ALDH1L1: variants seen among roughly 807,000 people sequenced by gnomAD.
ALDH1L1 encodes aldehyde dehydrogenase 1 family member L1, also known as cytosolic 10-formyltetrahydrofolate dehydrogenase.
Under a neutral mutation model 101.1 loss-of-function variants are expected in ALDH1L1, and 68 were observed. The ratio of observed to expected loss-of-function variants is 0.67; its 90% confidence interval spans 0.55 to 0.82. The LOEUF is 0.82. ALDH1L1 is among the 40% of genes least tolerant of loss of function. The pLI is 0.00. For missense variants in ALDH1L1, 1,087 were observed against 1,172.7 expected, an observed-to-expected ratio of 0.93 and a Z score of 1.07; for synonymous variants, 486 against 470.8, an observed-to-expected ratio of 1.03 and a Z score of -0.42.
In ALDH1L1 at chr3:126,191,167, A is replaced by G. The variant is rs549441818; in HGVS notation, c.-24+6568T>C. ...GAGGTAGCAGAGTGCAACAGCTTAGATGGAGATTGGGAGGCAAAAGGATTT... is the reference window on the plus strand; with the variant it reads ...GAGGTAGCAGAGTGCAACAGCTTAGGTGGAGATTGGGAGGCAAAAGGATTT... On this transcript the variant is annotated intron_variant, in intron 1 of 2. Transcript: ENST00000509952. Among the ~76,000 whole-genome samples the G allele has an allele frequency of 2.0e-5, 3 of 152,328 alleles. No individual in the cohort carries two copies. In the East Asian group the frequency reaches 5.8e-4, roughly 29 times the overall value.
chr3:126,179,250 C>T (rs1471693333), intron 1 of ALDH1L1, among the ~76,000 whole-genome samples: 1 of 152,244 alleles, frequency 6.6e-6, no homozygotes, highest in Non-Finnish European at 1.5e-5. Context: ...CCCAACCCTC[C>T]TACCCAATTC....
intron 16 of ALDH1L1, among the ~76,000 whole-genome samples, chr3:126,122,221 A>G (rs559025503): frequency 6.6e-6 from 1 of 152,354 alleles, no homozygotes; most frequent in South Asian, 2.1e-4. Context: ...GTGACTACAG[A>G]CAGTAGTCAG....
chr3:126,128,922 G>A (rs1422620097), intron 14 of ALDH1L1: 1 of 128,972 alleles, frequency 7.8e-6, no homozygotes, highest in Non-Finnish European at 1.7e-5. Flanking sequence ...GGTGGGCCAC[G>A]ACCCGCCCTG....
rs930238883 is a variant in ALDH1L1, at chr3:126,144,495, G to A, written c.1076+2340C>T. The stretch of plus-strand genomic sequence containing the variant: ...CAATAATCAAAATAGTATGATACTG[G>A]CATAAACACAGATATATAGACCAAT... On this transcript the variant is annotated intron_variant, in intron 9 of 22. Coordinates refer to ENST00000393434, the MANE Select transcript of ALDH1L1 (RefSeq NM_012190.4). Among the ~76,000 whole-genome samples, 14 of 152,116 alleles carry A rather than the reference G, an allele frequency of 9.2e-5. 1 individual carries two copies. The highest frequency in any genetic ancestry group is 2.7e-4 in the African/African-American group (11 of 41,406).
At chr3:126,116,025 A>C (rs1032653267) in intron 17 of ALDH1L1, among the ~76,000 whole-genome samples, 3 of 145,914 alleles carry the variant, frequency 2.1e-5, no homozygotes, top group East Asian at 4.0e-4. Context: ...GGCATATACC[A>C]CCACACCTGG....
At chr3:126,152,832 T>C (rs1351441409) in intron 7 of ALDH1L1, 1 of 162,058 alleles carries the variant, frequency 6.2e-6, no homozygotes, top group Non-Finnish European at 1.4e-5. Flanking sequence ...TAAATCTCTG[T>C]TTTTTTCCTC....
chr3:126,157,238 T>G, intron 4 of ALDH1L1, 105 bp downstream of exon 4: 3 of 1,381,480 alleles, frequency 2.2e-6, no homozygotes, highest in Non-Finnish European at 2.9e-6. Flanking sequence ...GAATCCTGAA[T>G]TTGGGGAACA....
Position 126,155,448 on chromosome 3 carries a change from T to A in ALDH1L1, c.584A>T (p.Glu195Val). The change falls in exon 5 of 23, where the codon GAG (glutamate) becomes GTG (valine). Residue 195 changes from glutamate to valine, a missense_variant. Around this residue, in one of 2 missense-constraint regions of ALDH1L1, gnomAD observed 645 missense variants for 637.0 expected, o/e 1.01. Transcript: ENST00000393434. ...AATCCCCTCATAGGTGGCTCCTTCC[T>A]CAGGCTGAGGGAGTCTGGGGGCTTT... ...EGKAPRLPQP[E>V]EGATYEGIQK... 6.2e-7 allele frequency: 1 copy of A among 1,613,476 alleles called. No homozygotes were observed. Among genetic ancestry groups the A allele is most frequent in the Non-Finnish European group, 8.5e-7 (1 of 1,179,782 alleles).
upstream of ALDH1L1, chr3:126,180,984 C>G: frequency 6.2e-7 from 1 of 1,610,020 alleles, no homozygotes; most frequent in Non-Finnish European, 8.5e-7. Flanking sequence ...ACGGACACAG[C>G]AGAGCGAAAG....
At chr3:126,170,073 T>C (rs1416875543) in intron 1 of ALDH1L1, among the ~76,000 whole-genome samples, 1 of 152,102 alleles carries the variant, frequency 6.6e-6, no homozygotes, top group East Asian at 1.9e-4. Context: ...AAAAAATAAA[T>C]AAGAAATCTT....
chr3:126,146,836 T>C lies in ALDH1L1; in HGVS notation c.1075A>G (p.Arg359Gly). The C allele has an allele frequency of 2.5e-6, 4 of 1,613,986 alleles. No homozygotes were observed. Among genetic ancestry groups the C allele is most frequent in the Non-Finnish European group, 3.4e-6 (4 of 1,179,964 alleles). ...KSGAASVDVV[R>G]LVEEVKELCD... ...GGACCCCTCCACTCCTGGCCTTACC[T>C]CACAACGTCCACAGACGCGGCCCCT... is the stretch of plus-strand genomic sequence containing the variant. The change falls in exon 9 of 23, where the codon AGG becomes GGG. Residue 359 changes from arginine to glycine, a missense_variant and splice_region_variant. This residue lies in a region of ALDH1L1 where 645 missense variants were observed against 637.0 expected (regional missense o/e 1.01). Coordinates refer to ENST00000393434, the MANE Select transcript of ALDH1L1 (RefSeq NM_012190.4).
chr3:126,150,058 C>G (rs751656025), intron 8 of ALDH1L1, among the ~76,000 whole-genome samples: 13 of 152,190 alleles, frequency 8.5e-5, no homozygotes, highest in Non-Finnish European at 1.8e-4. Flanking sequence ...CTGGTGCAGC[C>G]TTTCTGGAAG....
In ALDH1L1 at chr3:126,136,770, A is replaced by T. The variant is rs1236698736; in HGVS notation, c.1338T>A (p.Asp446Glu). The T allele has an allele frequency of 6.4e-6, 10 of 1,570,956 alleles. No individual in the cohort carries two copies. The highest frequency in any genetic ancestry group is 8.6e-6 in the Non-Finnish European group (10 of 1,157,294). Residue 446 changes from aspartate to glutamate, a missense_variant, in exon 11 of 23, where the codon GAT (aspartate) becomes GAA (glutamate). By Grantham distance (45) the Asp-to-Glu change is conservative. Coordinates refer to ENST00000393434, the MANE Select transcript of ALDH1L1 (RefSeq NM_012190.4). ...GTGCTGGGCCTGCACTCACACTTCC[A>T]TCGGTGGGATTGATGGTCTCAGAGG... ...AKTSETINPT[D>E]GSVICQVSLA...
In ALDH1L1 at chr3:126,136,852, C is replaced by T. The variant is rs768929419; in HGVS notation, c.1256G>A (p.Arg419His). 3.3e-5 allele frequency: 54 copies of T among 1,612,172 alleles called. No individual in the cohort carries two copies. The highest frequency in any genetic ancestry group is 1.6e-4 in the Middle Eastern group (1 of 6,084). The change falls in exon 11 of 23, where the codon CGC becomes CAC. Residue 419 changes from arginine to histidine, a missense_variant. Transcript: ENST00000393434. ...CCCAATGAAGAGCTGGTGGGGCATG[C>T]GGACAGTGCGCTTGTTCACTGCCAT... ...VEMAVNKRTV[R>H]MPHQLFIGGE...
intron 1 of ALDH1L1, among the ~76,000 whole-genome samples, chr3:126,168,480 A>G (rs1025494064): frequency 6.6e-6 from 1 of 152,150 alleles, no homozygotes; most frequent in Non-Finnish European, 1.5e-5. Context: ...TGTAATACAA[A>G]AGGCTAATAA....
chr3:126,185,910 A>G (rs1189217938), upstream of ALDH1L1, among the ~76,000 whole-genome samples: 1 of 152,220 alleles, frequency 6.6e-6, no homozygotes, highest in South Asian at 2.1e-4. Context: ...AATCTTGAGT[A>G]GTTTATTCTA....
rs753739852 is a variant in ALDH1L1, at chr3:126,153,524, C to A, written c.778G>T (p.Ala260Ser). 12 of 1,614,026 alleles carry A rather than the reference C, an allele frequency of 7.4e-6. No homozygotes were observed. Among genetic ancestry groups the A allele is most frequent in the Non-Finnish European group, 1.0e-5 (12 of 1,180,024 alleles). Reference sequence around the variant, plus strand: ...CGATGGGCTCCTGGGATGGGCAAAGCGTCTCCCTCGGGCACCAGGCCTGAA... The same window carrying A: ...CGATGGGCTCCTGGGATGGGCAAAGAGTCTCCCTCGGGCACCAGGCCTGAA... ...NTSGLVPEGD[A>S]LPIPGAHRPG... Residue 260 changes from alanine to serine, a missense_variant, in exon 7 of 23, where the codon GCT becomes TCT. Physicochemically the swap from Ala to Ser is moderately conservative, Grantham distance 99. Coordinates refer to ENST00000393434, the MANE Select transcript of ALDH1L1 (RefSeq NM_012190.4).
Position 126,112,773 on chromosome 3 carries a change from AG to A in ALDH1L1, c.2181+8del. ...ACCAGCCGCCCGCAGACCCTGGGGC[AG>A]GACTTACCACTCTCCGCACGAACTC... On this transcript the variant is annotated splice_region_variant and intron_variant, in intron 19 of 22. Transcript: ENST00000393434. 1.2e-6 allele frequency: 2 copies of A among 1,612,402 alleles called. No homozygotes were observed. The highest frequency in any genetic ancestry group is 1.7e-6 in the Non-Finnish European group (2 of 1,179,808).
At chr3:126,177,648 G>C (rs2081388005) in intron 1 of ALDH1L1, among the ~76,000 whole-genome samples, 1 of 152,156 alleles carries the variant, frequency 6.6e-6, no homozygotes, top group African/African-American at 2.4e-5. Flanking sequence ...ATCATTATAT[G>C]TTTGTCCAAA....
Sources: allele counts gnomAD v4.1 joint callset (sites outside exome capture counted in the v4.1 genomes callset), GRCh38; gene constraint gnomAD v4.1.1; regional missense constraint gnomAD v4.1.1; transcripts MANE v1.5; gene names NCBI Gene and HGNC (gene_info 2026-07-23, HGNC 2026-07-21).